MPRIP: variants seen among roughly 807,000 people sequenced by gnomAD.
MPRIP encodes myosin phosphatase Rho interacting protein.
Under a neutral mutation model 234.9 loss-of-function variants are expected in MPRIP, and 59 were observed. The observed-to-expected ratio is 0.25, with a 90% CI of 0.20 to 0.31. MPRIP has a LOEUF of 0.31. Among genes scored for constraint, MPRIP ranks in the 10% least tolerant of loss-of-function variants. MPRIP has a pLI of 1.00. For missense variants in MPRIP, 2,436 were observed against 3,071.0 expected (o/e 0.79, Z 4.89); for synonymous variants, 1,144 against 1,263.9 (o/e 0.91, Z 2.01).
chr17:17,114,343 A>G (rs1322607117), intron 3 of MPRIP, among the ~76,000 whole-genome samples: 1 of 147,926 alleles, frequency 6.8e-6, no homozygotes, highest in Non-Finnish European at 1.5e-5. Flanking sequence ...ATTTGCAAGT[A>G]TTCCCTTCCC....
chr17:17,046,070 G>A (rs2088340592), intron 1 of MPRIP, among the ~76,000 whole-genome samples: 1 of 152,228 alleles, frequency 6.6e-6, no homozygotes, highest in East Asian at 1.9e-4. Flanking sequence ...CTCCCAAAGT[G>A]CCGGGATTAC....
chr17:17,083,503 C>T (rs1019961729), intron 3 of MPRIP, among the ~76,000 whole-genome samples: 4 of 152,174 alleles, frequency 2.6e-5, no homozygotes, highest in Admixed American at 1.3e-4. Flanking sequence ...AAGCCATGAG[C>T]AGCCCAACGT....
intron 1 of MPRIP, among the ~76,000 whole-genome samples, chr17:17,072,589 G>C (rs2089222815): frequency 6.6e-6 from 1 of 152,210 alleles, no homozygotes; most frequent in African/African-American, 2.4e-5. Context: ...GGTCAGGACT[G>C]TCCCCTTGAG....
rs1232187395 is a variant in MPRIP at position 17,184,949 on chromosome 17, C to A, written c.*55C>A. 4 of 1,164,970 alleles carry A rather than the reference C, an allele frequency of 3.4e-6. No homozygotes were observed. Among genetic ancestry groups the A allele is most frequent in the South Asian group, 2.4e-5 (2 of 81,882 alleles). The allele number at this position is 1,164,970 out of a possible 1,614,324, so 72.2% of individuals were successfully genotyped here. A position where few individuals can be genotyped will look rare whatever the true frequency, so the allele number is the denominator to read the frequency against. ...TTCCCCAGCTTGCAGCAGCACACCC[C>A]AAGCGCTGCTTTTCACCTGTACCTT... On this transcript the variant is annotated 3_prime_UTR_variant, in exon 24 of 24. Transcript: ENST00000651222.
At chr17:17,142,848 A>G in intron 8 of MPRIP, 83 bp downstream of exon 8, 1 of 1,499,858 alleles carries the variant, frequency 6.7e-7, no homozygotes, top group South Asian at 1.3e-5. Flanking sequence ...TCCCCTCCAC[A>G]CAGGCCTGGG....
At chr17:17,146,150 C>G in intron 10 of MPRIP, 58 bp downstream of exon 10, 2 of 1,511,496 alleles carry the variant, frequency 1.3e-6, no homozygotes, top group South Asian at 2.3e-5. Flanking sequence ...TGAGGGTGAG[C>G]TGTCCTTGTC....
intron 1 of MPRIP, among the ~76,000 whole-genome samples, chr17:17,074,883 C>A (rs900666403): frequency 6.6e-6 from 1 of 152,154 alleles, no homozygotes; most frequent in Non-Finnish European, 1.5e-5. Flanking sequence ...ATCTATTCAT[C>A]TGTCCATGGA....
At chr17:17,123,515 T>A (rs1451498694) in intron 3 of MPRIP, among the ~76,000 whole-genome samples, 1 of 151,686 alleles carries the variant, frequency 6.6e-6, no homozygotes, top group Non-Finnish European at 1.5e-5. Context: ...ATACAAAAAT[T>A]ACTATAAAAT....
intron 3 of MPRIP, among the ~76,000 whole-genome samples, chr17:17,123,712 A>G (rs989284116): frequency 6.6e-5 from 10 of 150,462 alleles, no homozygotes; most frequent in Admixed American, 1.3e-4. Flanking sequence ...TCAAAAAAAA[A>G]AAAAAAAAAA....
chr17:17,065,575 G>A (rs1433865217), intron 1 of MPRIP, among the ~76,000 whole-genome samples: 1 of 151,778 alleles, frequency 6.6e-6, no homozygotes, highest in Non-Finnish European at 1.5e-5. Context: ...CTTCATTACT[G>A]TGGATATATA....
chr17:17,146,704 C>T (rs923673734), intron 10 of MPRIP, among the ~76,000 whole-genome samples: 15 of 152,246 alleles, frequency 9.9e-5, no homozygotes, highest in Non-Finnish European at 1.6e-4. Flanking sequence ...CTGCTGGGTC[C>T]TTACCTAAGA....
chr17:17,100,612 A>G, intron 3 of MPRIP, among the ~76,000 whole-genome samples: 1 of 152,062 alleles, frequency 6.6e-6, no homozygotes, highest in African/African-American at 2.4e-5. Flanking sequence ...GCGTGAAGCC[A>G]GTTCTGAACT....
At chr17:17,143,265 G>A (rs952759503) in intron 8 of MPRIP, among the ~76,000 whole-genome samples, 8 of 152,212 alleles carry the variant, frequency 5.3e-5, no homozygotes, top group Non-Finnish European at 1.2e-4. Context: ...CCACCACAGA[G>A]CCCAGGGCTC....
At position 17,075,788 on chromosome 17, in the gene MPRIP, G is replaced by A; in HGVS notation, c.201+1G>A. 6.2e-7 allele frequency: 1 copy of A among 1,614,066 alleles called. No individual in the cohort carries two copies. Among genetic ancestry groups the A allele is most frequent in the Non-Finnish European group, 8.5e-7 (1 of 1,179,964 alleles). ...TGACAACCCAGTGCACCGGTCTCGGGTAAGGGCATCAGAGCCAACTCTCAG... is the reference window on the plus strand; with the variant it reads ...TGACAACCCAGTGCACCGGTCTCGGATAAGGGCATCAGAGCCAACTCTCAG... On this transcript the variant is annotated splice_donor_variant, in intron 2 of 23. Coordinates refer to ENST00000651222, the MANE Select transcript of MPRIP (RefSeq NM_001364716.4). LOFTEE classifies it high-confidence loss of function.
At chr17:17,073,258 A>G (rs965264244) in intron 1 of MPRIP, among the ~76,000 whole-genome samples, 17 of 152,124 alleles carry the variant, frequency 1.1e-4, no homozygotes, top group African/African-American at 3.9e-4. Flanking sequence ...GCCCACCTGC[A>G]TCAGTCCCCT....
intron 1 of MPRIP, among the ~76,000 whole-genome samples, chr17:17,074,176 C>T (rs547899375): frequency 1.2e-4 from 18 of 152,290 alleles, no homozygotes; most frequent in South Asian, 6.2e-4. Context: ...TCAGGAGGAC[C>T]CATGAGGGGT....
chr17:17,127,640 A>G (rs150419002), intron 4 of MPRIP, among the ~76,000 whole-genome samples: 3 of 152,352 alleles, frequency 2.0e-5, no homozygotes, highest in Non-Finnish European at 4.4e-5. Context: ...ATCTCCGAGA[A>G]TCCCTGTCTT....
chr17:17,084,695 A>AG (rs1317705710), intron 3 of MPRIP, among the ~76,000 whole-genome samples: 1 of 152,246 alleles, frequency 6.6e-6, no homozygotes, highest in African/African-American at 2.4e-5. Context: ...GAGGCCAGGC[A>AG]GGGCTCTCAG....
chr17:17,117,371 C>T (rs1178646089), intron 3 of MPRIP, among the ~76,000 whole-genome samples: 1 of 152,226 alleles, frequency 6.6e-6, no homozygotes, highest in African/African-American at 2.4e-5. Context: ...ACTTCTCATT[C>T]CCCTCCCCTA....
Sources: allele counts gnomAD v4.1 joint callset (sites outside exome capture counted in the v4.1 genomes callset), GRCh38; gene constraint gnomAD v4.1.1; transcripts MANE v1.5; gene names NCBI Gene and HGNC (gene_info 2026-07-23, HGNC 2026-07-21).